The following CDH11 variants were observed in gnomAD, a reference collection of about 807,000 sequenced individuals.
CDH11 encodes the protein cadherin-11.
In CDH11, 11 loss-of-function variants were observed where a neutral mutation model predicts 67.8. The observed-to-expected ratio is 0.16, with a 90% CI of 0.10 to 0.27. The LOEUF (loss-of-function observed/expected upper bound fraction) is 0.27. CDH11 is among the 10% of genes least tolerant of loss of function. The pLI, the probability that CDH11 is intolerant of heterozygous loss-of-function variation, is 1.00. For synonymous variants in CDH11, 419 were observed against 400.0 expected (o/e 1.05, Z -0.57); for missense variants, 847 against 1,031.2 (o/e 0.82, Z 2.45).
At chr16:65,117,797 A>C (rs2075266575) in intron 1 of CDH11, among the ~76,000 whole-genome samples, 1 of 152,158 alleles carries the variant, frequency 6.6e-6, no homozygotes, top group Admixed American at 6.5e-5. Flanking sequence ...TTGGAGTCAG[A>C]AATGATGCTC....
chr16:64,981,856 C>T (rs1439704201), intron 8 of CDH11, 192 bp downstream of exon 8: 4 of 508,716 alleles, frequency 7.9e-6, no homozygotes, highest in Non-Finnish European at 1.4e-5. Context: ...TTGAACAATC[C>T]TATCCAAAAA....
chr16:65,116,669 G>A (rs1019096052), intron 1 of CDH11, among the ~76,000 whole-genome samples: 13 of 152,184 alleles, frequency 8.5e-5, no homozygotes, highest in African/African-American at 3.1e-4. Flanking sequence ...TAAGACCTTG[G>A]CTACTGTCTA....
Position 64,949,023 on chromosome 16 carries a change from C to T in CDH11, c.1895-924G>A, listed in dbSNP as rs547955455. ...GAGAGATTGTACTTGCCCTGGACTTCGTGTGGCTCCCAAAGCTCTGTGCTT... is the reference window on the plus strand; with the variant it reads ...GAGAGATTGTACTTGCCCTGGACTTTGTGTGGCTCCCAAAGCTCTGTGCTT... On this transcript the variant is annotated intron_variant, in intron 12 of 12. Coordinates refer to ENST00000268603, the MANE Select transcript of CDH11 (RefSeq NM_001797.4). 1.3e-3 allele frequency among the ~76,000 whole-genome samples: 192 copies of T among 152,336 alleles called. 1 individual carries two copies. The highest frequency in any genetic ancestry group is 1.4e-3 in the Non-Finnish European group (93 of 68,040).
chr16:64,963,209 G>A (rs2071719576), intron 11 of CDH11, among the ~76,000 whole-genome samples: 2 of 152,114 alleles, frequency 1.3e-5, no homozygotes, highest in Non-Finnish European at 2.9e-5. Context: ...GGATAAAGTG[G>A]ACAACATTCA....
chr16:65,099,208 T>G (rs962003465), intron 1 of CDH11, among the ~76,000 whole-genome samples: 1 of 151,888 alleles, frequency 6.6e-6, no homozygotes, highest in Non-Finnish European at 1.5e-5. Flanking sequence ...GGTGCCATGA[T>G]CTCCCAAGGA....
chr16:64,996,583 G>T (rs185342771), intron 4 of CDH11, among the ~76,000 whole-genome samples: 1 of 151,434 alleles, frequency 6.6e-6, no homozygotes. Flanking sequence ...CAAGAAAAAC[G>T]CCTGCACTTG....
intron 2 of CDH11, among the ~76,000 whole-genome samples, chr16:65,028,331 C>CCCA (rs2073573758): frequency 1.3e-5 from 2 of 152,076 alleles, no homozygotes; most frequent in Admixed American, 1.3e-4. Flanking sequence ...CCTGTCGGGG[C>CCCA]AGAGGAGAGA....
At chr16:65,094,394 C>A (rs1520236) in intron 1 of CDH11, among the ~76,000 whole-genome samples, 45,321 of 151,874 alleles carry the variant, frequency 0.3, 7,824 homozygotes, top group Non-Finnish European at 0.4. Flanking sequence ...AAATCAATAC[C>A]TTAAACAATA....
chr16:64,971,842 G>T, intron 10 of CDH11, 89 bp downstream of exon 10: 2 of 1,475,874 alleles, frequency 1.4e-6, no homozygotes, highest in Non-Finnish European at 1.9e-6. Context: ...TTTTTGGGCA[G>T]TGGTTGGTAT....
At chr16:65,088,031 A>T (rs576747900) in intron 1 of CDH11, among the ~76,000 whole-genome samples, 1 of 152,328 alleles carries the variant, frequency 6.6e-6, no homozygotes, top group South Asian at 2.1e-4. Context: ...GTTGAAACCT[A>T]GTACCCAATA....
At chr16:64,956,401 A>C (rs937919572) in intron 11 of CDH11, among the ~76,000 whole-genome samples, 6 of 152,250 alleles carry the variant, frequency 3.9e-5, no homozygotes, top group African/African-American at 1.4e-4. Flanking sequence ...AAAGGAGGAA[A>C]GTGAATTCTT....
chr16:65,045,520 T>C (rs1355151468), intron 2 of CDH11, among the ~76,000 whole-genome samples: 1 of 151,732 alleles, frequency 6.6e-6, no homozygotes, highest in Non-Finnish European at 1.5e-5. Context: ...TACAGTCTTC[T>C]AGATCCTCAG....
At chr16:65,111,004 C>G (rs1461825101) in intron 1 of CDH11, among the ~76,000 whole-genome samples, 1 of 152,068 alleles carries the variant, frequency 6.6e-6, no homozygotes, top group African/African-American at 2.4e-5. Flanking sequence ...AGACTCTGTC[C>G]CTGCTCACAT....
At chr16:65,101,047 A>G (rs2074982635) in intron 1 of CDH11, among the ~76,000 whole-genome samples, 1 of 152,236 alleles carries the variant, frequency 6.6e-6, no homozygotes, top group Non-Finnish European at 1.5e-5. Context: ...TCCTTAAAGT[A>G]ATTCCTCAAA....
At chr16:65,101,288 TGCACAAGCAGAGCACCACAGCCAAAG>T (rs1194578834) in intron 1 of CDH11, among the ~76,000 whole-genome samples, 1 of 152,094 alleles carries the variant, frequency 6.6e-6, no homozygotes, top group Admixed American at 6.5e-5. Context: ...GAGACAGGCA[TGCACAAGCAGAGCACCACAGCCAAAG>T]GCACAGGTTC....
chr16:65,100,865 G>C (rs771962904), intron 1 of CDH11, among the ~76,000 whole-genome samples: 1 of 152,124 alleles, frequency 6.6e-6, no homozygotes, highest in Non-Finnish European at 1.5e-5. Flanking sequence ...TATCTACAAT[G>C]AGTAGACAAC....
At chr16:64,984,481 T>C (rs575877277) in intron 7 of CDH11, among the ~76,000 whole-genome samples, 1 of 152,330 alleles carries the variant, frequency 6.6e-6, no homozygotes, top group East Asian at 1.9e-4. Context: ...ATCCATGTTA[T>C]GAGTAGTTGA....
At chr16:64,994,723 G>C (rs1283944042) in intron 4 of CDH11, among the ~76,000 whole-genome samples, 5 of 152,148 alleles carry the variant, frequency 3.3e-5, no homozygotes, top group Non-Finnish European at 7.3e-5. Flanking sequence ...AATGAGGCAA[G>C]AGCAAGAAAT....
At position 64,947,796 on chromosome 16, in the gene CDH11, G is replaced by A. The variant is rs555349824; in HGVS notation, c.2198C>T (p.Thr733Met). ...TTGAATGGAGTCATAAGGAGGAGCC[G>A]TGGGGTCATTGTCTGCCTCCTGTAT... is the stretch of plus-strand genomic sequence containing the variant. ...TRIQEADNDP[T>M]APPYDSIQIY... is the part of the protein sequence containing the mutation. The change falls in exon 13 of 13, where the codon ACG becomes ATG. Residue 733 changes from threonine to methionine, a missense_variant. By Grantham distance (81) the Thr-to-Met change is moderately conservative. Coordinates refer to ENST00000268603, the MANE Select transcript of CDH11 (RefSeq NM_001797.4). 10 of 1,614,160 alleles carry A rather than the reference G, an allele frequency of 6.2e-6. No individual in the cohort carries two copies. The highest frequency in any genetic ancestry group is 1.3e-5 in the African/African-American group (1 of 75,056).
Sources: allele counts gnomAD v4.1 joint callset (sites outside exome capture counted in the v4.1 genomes callset), GRCh38; gene constraint gnomAD v4.1.1; transcripts MANE v1.5; gene names NCBI Gene and HGNC (gene_info 2026-07-23, HGNC 2026-07-21).